Variants in MED26 observed in about 807,000 individuals in gnomAD.
MED26 encodes mediator of RNA polymerase II transcription subunit 26.
A neutral mutation model predicts 43.7 loss-of-function variants in MED26; 7 were observed. The ratio of observed to expected loss-of-function variants is 0.16; its 90% CI spans 0.09 to 0.30. The LOEUF is 0.30. Among genes scored for constraint, MED26 ranks in the 10% least tolerant of loss-of-function variants. The probability of loss-of-function intolerance (pLI) is 1.00; values close to 1 mark genes in which losing one functional copy is unlikely to be tolerated. For synonymous variants in MED26, 375 were observed against 371.1 expected (o/e 1.01, Z -0.12); for missense variants, 784 against 840.6 (o/e 0.93, Z 0.83).
chr19:16,577,505 G>T lies in MED26; in HGVS notation c.325C>A (p.His109Asn). ...GCCCCCACCTCCGGCCGGCAGTTGT[G>T]TGCGCCCCCGTTGGCAGAGCCGGTG... is the stretch of plus-strand genomic sequence containing the variant. ...GATGSANGGAHNCRPEVGAAG... is the reference protein window; with the variant it reads ...GATGSANGGANNCRPEVGAAG... Residue 109 changes from histidine (H) to asparagine (N), a missense_variant, in exon 3 of 3, where the codon CAC (histidine) becomes AAC (asparagine). Physicochemically the swap from His to Asn is moderately conservative, Grantham distance 68. Coordinates refer to ENST00000263390, the MANE Select transcript of MED26 (RefSeq NM_004831.5). This position sits in a 1 kb window ranked among gnomAD's most constrained non-coding sequence, Gnocchi z 8.1. 6.3e-7 allele frequency: 1 copy of T among 1,596,960 alleles called. No individual in the cohort carries two copies. Among genetic ancestry groups the T allele is most frequent in the Non-Finnish European group, 8.5e-7 (1 of 1,170,466 alleles).
At position 16,581,970 on chromosome 19, in the gene MED26, C is replaced by A. The variant is rs745342452; in HGVS notation, c.73-3561G>T. The stretch of plus-strand genomic sequence containing the variant: ...AAGGTGCTAGAAACCCACAGTCCTA[C>A]GCCGTAAACAGATGAACTCTGCCAA... On this transcript the variant is annotated intron_variant, in intron 1 of 2. Transcript: ENST00000263390. Among the ~76,000 whole-genome samples, 3 of 152,382 alleles carry A rather than the reference C, an allele frequency of 2.0e-5. No homozygotes were observed. The East Asian group carries it at 5.8e-4, about 29-fold the overall frequency.
At chr19:16,627,454 G>A (rs1337194196) in intron 1 of MED26, among the ~76,000 whole-genome samples, 1 of 152,226 alleles carries the variant, frequency 6.6e-6, no homozygotes, top group East Asian at 1.9e-4. Context: ...TAGGTTCCCC[G>A]AGTCATACCC....
intron 1 of MED26, among the ~76,000 whole-genome samples, chr19:16,594,229 G>A (rs1174692793): frequency 1.3e-5 from 2 of 152,188 alleles, no homozygotes; most frequent in Admixed American, 6.5e-5. Context: ...CACACTCAAG[G>A]GCCACCAGGG....
chr19:16,601,265 C>T (rs1056656121), intron 1 of MED26, among the ~76,000 whole-genome samples: 4 of 151,952 alleles, frequency 2.6e-5, no homozygotes, highest in African/African-American at 9.7e-5. Flanking sequence ...AAGCGATTCT[C>T]CTGCCTCAGC....
At chr19:16,626,440 A>G (rs2086275312) in intron 1 of MED26, among the ~76,000 whole-genome samples, 2 of 152,216 alleles carry the variant, frequency 1.3e-5, no homozygotes, top group African/African-American at 2.4e-5. Context: ...CCCCAAAGTC[A>G]TAACAAAAAT....
At chr19:16,580,786 G>T (rs1012560097) in intron 1 of MED26, among the ~76,000 whole-genome samples, 4 of 152,088 alleles carry the variant, frequency 2.6e-5, no homozygotes, top group Non-Finnish European at 5.9e-5. Context: ...CTCCCCTTAT[G>T]CTCAAAGCCA....
chr19:16,586,606 T>C lies in MED26; in HGVS notation c.73-8197A>G, dbSNP rs1461167529. On this transcript the variant is annotated intron_variant, in intron 1 of 2. Transcript: ENST00000263390. This position sits in a 1 kb window ranked among gnomAD's most constrained non-coding sequence, Gnocchi z 5.1. Reference sequence around the variant, plus strand: ...AGGCAGGACCAGGGTGACCCAGGCATGCACGGGCCACCACAGCAGGGCTTC... The same window carrying C: ...AGGCAGGACCAGGGTGACCCAGGCACGCACGGGCCACCACAGCAGGGCTTC... 6.6e-6 allele frequency among the ~76,000 whole-genome samples: 1 copy of C among 152,256 alleles called. No individual in the cohort carries two copies. The highest frequency in any genetic ancestry group is 1.5e-5 in the Non-Finnish European group (1 of 68,042).
intron 1 of MED26, among the ~76,000 whole-genome samples, chr19:16,604,732 G>A (rs1713910186): frequency 6.6e-6 from 1 of 152,212 alleles, no homozygotes; most frequent in South Asian, 2.1e-4. Context: ...CATCTGAAAA[G>A]TGTCCTGGTC....
intron 1 of MED26, among the ~76,000 whole-genome samples, chr19:16,619,925 T>C (rs1424010858): frequency 6.6e-6 from 1 of 152,136 alleles, no homozygotes; most frequent in East Asian, 1.9e-4. Flanking sequence ...CCATGTTTTG[T>C]CACATGACCA....
rs934156222 is a variant in MED26, at chr19:16,587,302, G to A, written c.73-8893C>T. 1.3e-5 allele frequency: 2 copies of A among 152,302 alleles called. No individual in the cohort carries two copies. The highest frequency in any genetic ancestry group is 1.3e-4 in the Admixed American group (2 of 15,268). 9.4% of individuals were successfully genotyped at this position (152,302 alleles called of 1,614,324 possible). Reference sequence around the variant, plus strand: ...GCCTCTGGTGCAAGTCAGTACAAGAGGCGGCACCTGCATCCCCACCCCACC... The same window carrying A: ...GCCTCTGGTGCAAGTCAGTACAAGAAGCGGCACCTGCATCCCCACCCCACC... On this transcript the variant is annotated intron_variant, in intron 1 of 2. Coordinates refer to ENST00000263390, the MANE Select transcript of MED26 (RefSeq NM_004831.5). This position sits in a 1 kb window ranked among gnomAD's most constrained non-coding sequence, Gnocchi z 4.9.
intron 2 of MED26, 168 bp downstream of exon 2, chr19:16,578,167 G>A (rs2086022650): frequency 2.9e-6 from 2 of 691,244 alleles, no homozygotes; most frequent in Admixed American, 4.9e-5. Context: ...TCTCTGCAGT[G>A]CCCGTGGGAG....
At chr19:16,588,994 GAC>G (rs1303061570) in intron 1 of MED26, 1 of 152,384 alleles carries the variant, frequency 6.6e-6, no homozygotes, top group East Asian at 1.9e-4. Context: ...CGGAGGAGTA[GAC>G]AGAGACAGCC....
At chr19:16,588,393 G>A (rs1295586144) in intron 1 of MED26, 1 of 152,388 alleles carries the variant, frequency 6.6e-6, no homozygotes, top group Non-Finnish European at 1.5e-5. Flanking sequence ...AATCAACAGG[G>A]AACAACCTTC....
At chr19:16,583,610 G>T (rs2086056466) in intron 1 of MED26, among the ~76,000 whole-genome samples, 2 of 152,120 alleles carry the variant, frequency 1.3e-5, no homozygotes, top group African/African-American at 2.4e-5. Context: ...CCTCCCTGGG[G>T]TGCCTGCTCC....
At chr19:16,614,478 G>A (rs550668038) in intron 1 of MED26, among the ~76,000 whole-genome samples, 8 of 151,424 alleles carry the variant, frequency 5.3e-5, no homozygotes, top group East Asian at 2.0e-4. Flanking sequence ...GCAGTGAGCC[G>A]ATTGTGCCAC....
intron 1 of MED26, among the ~76,000 whole-genome samples, chr19:16,615,089 T>G: frequency 7.0e-5 from 10 of 142,332 alleles, no homozygotes; most frequent in African/African-American, 1.8e-4. Flanking sequence ...GGAATGGGGG[T>G]GGGGGAAATG....
intron 1 of MED26, among the ~76,000 whole-genome samples, chr19:16,613,173 G>A (rs923806726): frequency 6.6e-6 from 1 of 152,212 alleles, no homozygotes; most frequent in African/African-American, 2.4e-5. Context: ...AGACGGAGCT[G>A]TAGAGATTCG....
At chr19:16,591,001 C>T (rs1253383876) in intron 1 of MED26, among the ~76,000 whole-genome samples, 1 of 151,656 alleles carries the variant, frequency 6.6e-6, no homozygotes, top group Non-Finnish European at 1.5e-5. Flanking sequence ...GATTGCACCA[C>T]TGCACTCCAG....
At position 16,575,798 on chromosome 19, in the gene MED26, G is replaced by A. The variant is rs570886062; in HGVS notation, c.*229C>T. On this transcript the variant is annotated 3_prime_UTR_variant, in exon 3 of 3. Transcript: ENST00000263390. ...CACTTTGCCGTCCTTCCTTCCACGC[G>A]GTCCTTCTTCGCAATTTTGTTAGTA... is the stretch of plus-strand genomic sequence containing the variant. 2.2e-5 allele frequency: 12 copies of A among 556,336 alleles called. No individual in the cohort carries two copies. The highest frequency in any genetic ancestry group is 9.1e-5 in the South Asian group (4 of 43,786). The allele number at this position is 556,336 out of a possible 1,614,324, so 34.5% of individuals were successfully genotyped here. A position where few individuals can be genotyped will look rare whatever the true frequency, so the allele number is the denominator to read the frequency against.
Sources: allele counts gnomAD v4.1 joint callset (sites outside exome capture counted in the v4.1 genomes callset), GRCh38; gene constraint gnomAD v4.1.1; non-coding constraint Gnocchi (gnomAD v3.1); transcripts MANE v1.5; gene names NCBI Gene and HGNC (gene_info 2026-07-23, HGNC 2026-07-21).